CSMD3: variants seen among roughly 807,000 people sequenced by gnomAD.
CSMD3 encodes the protein CUB and sushi domain-containing protein 3.
CSMD3 carries 177 observed loss-of-function variants against 435.2 expected under a neutral mutation model. That is an observed-to-expected ratio of 0.41 (90% CI 0.36 to 0.46). The LOEUF is 0.46. CSMD3 is among the 20% of genes least tolerant of loss of function. CSMD3 has a pLI of 0.34. For synonymous variants in CSMD3, 1,656 were observed against 1,520.5 expected (o/e 1.09, Z -2.07); for missense variants, 4,265 against 4,504.6 (o/e 0.95, Z 1.52).
intron 3 of CSMD3, among the ~76,000 whole-genome samples, chr8:113,245,649 C>G (rs568803507): frequency 4.6e-5 from 7 of 151,954 alleles, no homozygotes; most frequent in South Asian, 2.1e-4. Flanking sequence ...TAAAATCAGA[C>G]AGAATATTTT....
chr8:113,267,673 A>G (rs2093482886), intron 3 of CSMD3, among the ~76,000 whole-genome samples: 1 of 151,682 alleles, frequency 6.6e-6, no homozygotes, highest in Non-Finnish European at 1.5e-5. Context: ...AATAAATTCA[A>G]TGTTTGATAA....
chr8:112,894,588 A>G (rs2130364755), intron 10 of CSMD3, among the ~76,000 whole-genome samples: 1 of 151,532 alleles, frequency 6.6e-6, no homozygotes, highest in Non-Finnish European at 1.5e-5. Context: ...TGTGAAAATA[A>G]GAGATAATAT....
intron 10 of CSMD3, among the ~76,000 whole-genome samples, chr8:112,862,982 A>G (rs947613862): frequency 4.6e-5 from 7 of 151,968 alleles, no homozygotes; most frequent in Non-Finnish European, 8.8e-5. Flanking sequence ...CATTTTTAGT[A>G]TGCTTTAACA....
chr8:113,233,885 A>C (rs989369564), intron 3 of CSMD3, among the ~76,000 whole-genome samples: 1 of 152,092 alleles, frequency 6.6e-6, no homozygotes, highest in Non-Finnish European at 1.5e-5. Context: ...GAGTTAGATA[A>C]AAAGATCAGA....
At chr8:112,499,901 G>A (rs1367817782) in intron 30 of CSMD3, among the ~76,000 whole-genome samples, 1 of 152,024 alleles carries the variant, frequency 6.6e-6, no homozygotes, top group Non-Finnish European at 1.5e-5. Flanking sequence ...ATGAGGTCAG[G>A]AGTTTGAGAC....
intron 4 of CSMD3, among the ~76,000 whole-genome samples, chr8:113,119,064 G>A (rs777343093): frequency 3.0e-4 from 45 of 152,116 alleles, no homozygotes; most frequent in Non-Finnish European, 4.3e-4. Context: ...AGCACTTTTA[G>A]TATAATTTGA....
chr8:112,929,022 A>AT (rs1299466786), intron 9 of CSMD3, among the ~76,000 whole-genome samples: 1 of 146,692 alleles, frequency 6.8e-6, no homozygotes, highest in East Asian at 2.0e-4. Context: ...TTTGATTTGC[A>AT]TTTCTCTGAT....
At chr8:112,425,723 T>C (rs534632655) in intron 32 of CSMD3, among the ~76,000 whole-genome samples, 3 of 152,168 alleles carry the variant, frequency 2.0e-5, no homozygotes, top group Admixed American at 6.6e-5. Flanking sequence ...TAAAACTATT[T>C]TCATGAATAA....
At chr8:112,828,230 C>T (rs796460996) in intron 12 of CSMD3, among the ~76,000 whole-genome samples, 1 of 152,068 alleles carries the variant, frequency 6.6e-6, no homozygotes, top group Non-Finnish European at 1.5e-5. Context: ...AACAAAAATG[C>T]TGATCATTTT....
intron 32 of CSMD3, among the ~76,000 whole-genome samples, chr8:112,471,659 G>A (rs1818536646): frequency 6.6e-6 from 1 of 152,114 alleles, no homozygotes. Context: ...AAATTGGACT[G>A]GAAGCATCAG....
At chr8:113,199,379 C>T (rs1164070128) in intron 3 of CSMD3, among the ~76,000 whole-genome samples, 1 of 151,608 alleles carries the variant, frequency 6.6e-6, no homozygotes, top group African/African-American at 2.4e-5. Flanking sequence ...TTGAGAATAA[C>T]TGGTACCAAG....
chr8:112,697,613 A>T (rs910997427), intron 13 of CSMD3, among the ~76,000 whole-genome samples: 3 of 152,062 alleles, frequency 2.0e-5, no homozygotes, highest in Non-Finnish European at 4.4e-5. Context: ...GGGGAGGGTT[A>T]GCATTAGGTG....
At chr8:113,255,011 A>G (rs1166684437) in intron 3 of CSMD3, among the ~76,000 whole-genome samples, 2 of 152,184 alleles carry the variant, frequency 1.3e-5, no homozygotes, top group Non-Finnish European at 2.9e-5. Flanking sequence ...CTAGAAAGCA[A>G]GTAAAAGAAT....
chr8:112,825,013 T>C (rs879573986), intron 12 of CSMD3, among the ~76,000 whole-genome samples: 1 of 152,336 alleles, frequency 6.6e-6, no homozygotes, highest in East Asian at 1.9e-4. Context: ...CTTTTCATTG[T>C]TTTTTATTTA....
At chr8:113,028,276 G>T (rs2086953389) in intron 5 of CSMD3, among the ~76,000 whole-genome samples, 1 of 145,430 alleles carries the variant, frequency 6.9e-6, no homozygotes, top group Non-Finnish European at 1.6e-5. Context: ...AACTTAATCA[G>T]TAAATGTTGT....
chr8:112,315,358 C>T (rs984398175), intron 47 of CSMD3, among the ~76,000 whole-genome samples: 5 of 151,882 alleles, frequency 3.3e-5, no homozygotes, highest in Non-Finnish European at 5.9e-5. Flanking sequence ...TAGTTGTTGG[C>T]ATCAATTGCA....
chr8:112,679,538 CT>C (rs1165775892), intron 16 of CSMD3, among the ~76,000 whole-genome samples: 2 of 152,112 alleles, frequency 1.3e-5, no homozygotes, highest in Non-Finnish European at 2.9e-5. Context: ...GCTTATTGGC[CT>C]TTGTCAAGTT....
intron 4 of CSMD3, among the ~76,000 whole-genome samples, chr8:113,130,328 G>C (rs1368158942): frequency 1.3e-5 from 2 of 152,090 alleles, no homozygotes; most frequent in African/African-American, 2.4e-5. Context: ...GGAGGCACCT[G>C]GTGGGAGGTG....
intron 3 of CSMD3, among the ~76,000 whole-genome samples, chr8:113,224,556 A>T (rs1486803590): frequency 6.6e-6 from 1 of 151,262 alleles, no homozygotes; most frequent in Admixed American, 6.6e-5. Flanking sequence ...ATATATTTTT[A>T]ACTTAGAATT....
Sources: gnomAD v4.1 joint callset for allele counts (sites outside exome capture counted in the v4.1 genomes callset) on GRCh38, gnomAD v4.1.1 for gene constraint, MANE v1.5 for transcripts, NCBI Gene and HGNC (gene_info 2026-07-23, HGNC 2026-07-21) for gene names.